The following ABCD4 variants were observed in gnomAD, a reference collection of about 807,000 sequenced individuals.
The protein encoded by ABCD4 is lysosomal cobalamin transporter ABCD4.
A neutral mutation model predicts 86.3 loss-of-function variants in ABCD4; 53 were observed. The ratio of observed to expected loss-of-function variants is 0.61; its 90% CI spans 0.49 to 0.77. The LOEUF (loss-of-function observed/expected upper bound fraction) is 0.77, where lower values mean the gene tolerates loss of function less well. Ranked by LOEUF, ABCD4 falls within the 30% of genes least tolerant of loss-of-function variation. The pLI is 0.00. For missense variants in ABCD4, 757 were observed against 764.5 expected (o/e 0.99, Z 0.12); for synonymous variants, 328 against 313.6 (o/e 1.05, Z -0.49).
chr14:74,298,096 G>A, intron 3 of ABCD4, 27 bp from the exon 4 acceptor site: 5 of 1,608,632 alleles, frequency 3.1e-6, no homozygotes, highest in Non-Finnish European at 4.2e-6. Context: ...GCAAGGGGAA[G>A]GGAGAGATGG....
intron 1 of ABCD4, 49 bp from the exon 2 acceptor site, chr14:74,300,317 C>T (rs1167099353): frequency 2.4e-6 from 3 of 1,230,238 alleles, no homozygotes; most frequent in Non-Finnish European, 3.6e-6. Flanking sequence ...AATAATTAAG[C>T]CTTAGGGAGT....
chr14:74,287,217 C>T (rs1233684082), intron 17 of ABCD4, among the ~76,000 whole-genome samples: 2 of 152,054 alleles, frequency 1.3e-5, no homozygotes, highest in African/African-American at 4.8e-5. Context: ...AAATTATAAC[C>T]CTTCAATGTT....
At chr14:74,295,241 C>G in intron 6 of ABCD4, 43 bp from the exon 7 acceptor site, 1 of 1,610,112 alleles carries the variant, frequency 6.2e-7, no homozygotes, top group Non-Finnish European at 8.5e-7. Flanking sequence ...ACAGGGAGTA[C>G]TGGCCTCACT....
intron 17 of ABCD4, 55 bp from the exon 18 acceptor site, chr14:74,286,871 G>A: frequency 6.5e-7 from 1 of 1,531,512 alleles, no homozygotes. Flanking sequence ...TGCCGCCGCT[G>A]CTTCTCCTCC....
At chr14:74,302,745 T>C in intron 1 of ABCD4, 130 bp downstream of exon 1, 2 of 1,126,310 alleles carry the variant, frequency 1.8e-6, no homozygotes, top group Non-Finnish European at 1.2e-6. Flanking sequence ...AGAGCTCCTC[T>C]TTCTCTCAGA....
intron 1 of ABCD4, among the ~76,000 whole-genome samples, chr14:74,301,769 C>T (rs990833934): frequency 7.2e-5 from 11 of 151,976 alleles, no homozygotes; most frequent in Non-Finnish European, 1.5e-4. Context: ...GGTGTGGTGG[C>T]GCGCGTCTGT....
At position 74,290,393 on chromosome 14, in the gene ABCD4, G is replaced by A. The variant is rs1338055939; in HGVS notation, c.1225C>T (p.Leu409=). ...SDKPLIKDLS[L]KISEGQSLLI... ...AGGCTCTGTCCCTCGGAGATCTTTA[G>A]GCTCAGATCCTTGATTAGGGGTTTG... is the stretch of plus-strand genomic sequence containing the variant. Residue 409 remains leucine (L), a synonymous_variant, in exon 12 of 19, where the codon CTA becomes TTA. Transcript: ENST00000356924. 1 of 1,614,158 alleles carries A rather than the reference G, an allele frequency of 6.2e-7. No individual in the cohort carries two copies. The highest frequency in any genetic ancestry group is 1.1e-5 in the South Asian group (1 of 91,078).
At chr14:74,295,742 CACACAGCTAGTAACTG>C in intron 6 of ABCD4, 96 bp downstream of exon 6, 2 of 1,452,250 alleles carry the variant, frequency 1.4e-6, no homozygotes, top group Non-Finnish European at 1.9e-6. Context: ...TCTCCAAGAT[CACACAGCTAGTAACTG>C]GCACAGCTAG....
chr14:74,286,201 T>C lies in ABCD4; in HGVS notation c.*260A>G. On this transcript the variant is annotated 3_prime_UTR_variant, in exon 19 of 19. Coordinates refer to ENST00000356924, the MANE Select transcript of ABCD4 (RefSeq NM_005050.4). ...ATGATCTGAAATCATTTGTAGGTAA[T>C]CAGCACTTCAAGCATATGGAGGCTC... is the stretch of plus-strand genomic sequence containing the variant. The C allele has an allele frequency of 2.5e-6, 1 of 406,088 alleles. No individual in the cohort carries two copies. Among genetic ancestry groups the C allele is most frequent in the Admixed American group, 4.1e-5 (1 of 24,496 alleles). 25.2% of individuals were successfully genotyped at this position (406,088 alleles called of 1,614,324 possible). A position where few individuals can be genotyped will look rare whatever the true frequency, so the allele number is the denominator to read the frequency against.
chr14:74,296,502 G>A, intron 4 of ABCD4, 53 bp from the exon 5 acceptor site: 2 of 1,530,866 alleles, frequency 1.3e-6, no homozygotes, highest in South Asian at 2.2e-5. Flanking sequence ...CCCAAAGGTA[G>A]AGAGAACAAG....
intron 7 of ABCD4, chr14:74,294,500 A>T (rs1406247323): frequency 1.3e-5 from 2 of 150,838 alleles, no homozygotes; most frequent in Non-Finnish European, 2.9e-5. Flanking sequence ...GGGCTATCAC[A>T]TCCACCCCAA....
rs370981469 is a variant in ABCD4 at position 74,296,389 on chromosome 14, G to A, written c.486C>T (p.Ser162=). 1 of 1,614,176 alleles carries A rather than the reference G, an allele frequency of 6.2e-7. No homozygotes were observed. Among genetic ancestry groups the A allele is most frequent in the Non-Finnish European group, 8.5e-7 (1 of 1,180,040 alleles). Residue 162 remains serine, a synonymous_variant, in exon 5 of 19, where the codon AGC becomes AGT. Transcript: ENST00000356924. ...RFCRQLSSMA[S]KLIISPFTLV... ...GGGTGAACGGGGAGATGATGAGCTTGCTGGCCATGCTGCTGAGCTGCCGGC... is the reference window on the plus strand; with the variant it reads ...GGGTGAACGGGGAGATGATGAGCTTACTGGCCATGCTGCTGAGCTGCCGGC...
chr14:74,297,954 A>AT lies in ABCD4; in HGVS notation c.400_401insA (p.Val134AspfsTer5). ...CGGGTTATCGATGTCATCCCGCAGC[A>AT]CGTTGAGGGTGTAGTACGCACGGCC... On this transcript the variant is annotated frameshift_variant, in exon 4 of 19. Coordinates refer to ENST00000356924, the MANE Select transcript of ABCD4 (RefSeq NM_005050.4). LOFTEE classifies it high-confidence loss of function. The AT allele has an allele frequency of 6.2e-7, 1 of 1,613,704 alleles. No homozygotes were observed. The highest frequency in any genetic ancestry group is 8.5e-7 in the Non-Finnish European group (1 of 1,179,930).
chr14:74,286,493 T>A lies in ABCD4; in HGVS notation c.1789A>T (p.Arg597Ter). 4 of 1,614,250 alleles carry A rather than the reference T, an allele frequency of 2.5e-6. No individual in the cohort carries two copies. The highest frequency in any genetic ancestry group is 3.4e-6 in the Non-Finnish European group (4 of 1,180,046). The change falls in exon 19 of 19, where the codon AGA becomes TGA. Residue 597 changes from arginine to a stop codon, truncating the protein, a stop_gained. Transcript: ENST00000356924. LOFTEE classifies it high-confidence loss of function. ...ACTTTGATTCTCATCAGCTCCCATCTTCCTCCTCCACAGAGTTTCAGAACC... is the reference window on the plus strand; with the variant it reads ...ACTTTGATTCTCATCAGCTCCCATCATCCTCCTCCACAGAGTTTCAGAACC... Reference protein sequence around the residue: ...SLVLKLCGGGRWELMRIKVE With the variant: ...SLVLKLCGGG
chr14:74,299,743 G>A (rs1351030442), intron 2 of ABCD4, 68 bp from the exon 3 acceptor site: 4 of 1,494,168 alleles, frequency 2.7e-6, no homozygotes, highest in Admixed American at 1.9e-5. Context: ...TTCTTCCTGA[G>A]TCCCTGCCTC....
intron 7 of ABCD4, 47 bp downstream of exon 7, chr14:74,295,101 C>G: frequency 1.2e-6 from 2 of 1,606,858 alleles, no homozygotes; most frequent in Non-Finnish European, 8.5e-7. Flanking sequence ...TCCTTCTCCA[C>G]TCTCAGCTCT....
intron 14 of ABCD4, 189 bp from the exon 15 acceptor site, chr14:74,288,954 A>T: frequency 1.1e-6 from 1 of 909,252 alleles, no homozygotes; most frequent in Non-Finnish European, 1.6e-6. Flanking sequence ...TCTACTAAAT[A>T]TACAAAAATT....
intron 14 of ABCD4, 176 bp from the exon 15 acceptor site, chr14:74,288,941 G>C: frequency 1.1e-6 from 1 of 940,548 alleles, no homozygotes; most frequent in Non-Finnish European, 1.5e-6. Context: ...GTGAAACGCT[G>C]TCTCTACTAA....
In ABCD4 at chr14:74,288,332, C is replaced by G. The variant is rs547611715; in HGVS notation, c.1507-73G>C. The stretch of plus-strand genomic sequence containing the variant: ...CTACCTGCCATCATGGGGAACCTCC[C>G]TCACTCCCCAGCATACACACACACC... On this transcript the variant is annotated intron_variant, in intron 15 of 18. Transcript: ENST00000356924. 1.3e-5 allele frequency: 19 copies of G among 1,443,796 alleles called. No individual in the cohort carries two copies. In the East Asian group the frequency reaches 4.3e-4, roughly 33 times the overall value. 89.4% of individuals were successfully genotyped at this position (1,443,796 alleles called of 1,614,324 possible). A position where few individuals can be genotyped will look rare whatever the true frequency, so the allele number is the denominator to read the frequency against.
Sources: allele counts gnomAD v4.1 joint callset (sites outside exome capture counted in the v4.1 genomes callset), GRCh38; gene constraint gnomAD v4.1.1; transcripts MANE v1.5; gene names NCBI Gene and HGNC (gene_info 2026-07-23, HGNC 2026-07-21).